STK10: variants seen among roughly 807,000 people sequenced by gnomAD.
The protein encoded by STK10 is serine/threonine kinase 10, also known as serine/threonine-protein kinase 10.
In STK10, 78 loss-of-function variants were observed where a neutral mutation model predicts 113.8. The observed-to-expected ratio is 0.69, with a 90% CI of 0.57 to 0.83. The LOEUF (loss-of-function observed/expected upper bound fraction) is 0.83, where lower values mean the gene tolerates loss of function less well. STK10 is among the 40% of genes least tolerant of loss of function. STK10 has a pLI of 0.00. For synonymous variants in STK10, 465 were observed against 494.7 expected (o/e 0.94, Z 0.80); for missense variants, 1,109 against 1,280.1 (o/e 0.87, Z 2.04).
At chr5:172,152,496 A>G (rs10223264) in intron 2 of STK10, among the ~76,000 whole-genome samples, 17,267 of 151,920 alleles carry the variant, frequency 0.11, 1,063 homozygotes, top group African/African-American at 0.16. Context: ...TCTTGCAGTC[A>G]CTCATTTTGG....
At position 172,057,155 on chromosome 5, in the gene STK10, T is replaced by A. The variant is rs1038190504; in HGVS notation, c.2337+194A>T. On this transcript the variant is annotated intron_variant, in intron 15 of 18. Coordinates refer to ENST00000176763, the MANE Select transcript of STK10 (RefSeq NM_005990.4). ...GGCTTCCCTGCATCGTTTCCCCTAT[T>A]CCTAGCCCCTTGAGCTGAAGCAGGA... The A allele has an allele frequency of 1.3e-5, 9 of 676,060 alleles. No homozygotes were observed. The African/African-American group carries it at 1.6e-4, about 12-fold the overall frequency. 41.9% of individuals were successfully genotyped at this position (676,060 alleles called of 1,614,324 possible).
chr5:172,131,039 T>G (rs2113791677), intron 2 of STK10, among the ~76,000 whole-genome samples: 1 of 147,562 alleles, frequency 6.8e-6, no homozygotes, highest in East Asian at 2.0e-4. Context: ...GCTGTTTTTT[T>G]TTTTTTTTTT....
At chr5:172,137,888 T>A in intron 2 of STK10, among the ~76,000 whole-genome samples, 1 of 107,094 alleles carries the variant, frequency 9.3e-6, no homozygotes, top group African/African-American at 4.5e-5. Flanking sequence ...CGAGACTCTG[T>A]CTCAAAAAAA....
In STK10 at chr5:172,082,919, A is replaced by C; in HGVS notation, c.1809+42T>G. On this transcript the variant is annotated intron_variant, in intron 11 of 18. Transcript: ENST00000176763. The surrounding 1 kb of genome is among the most constrained non-coding windows in gnomAD (Gnocchi z 4.3). The stretch of plus-strand genomic sequence containing the variant: ...TAGCTTCCACTGAGAGAACACCTGG[A>C]GGCAAGAAGCCCTGCAGGGTCCCAT... 1 of 1,604,978 alleles carries C rather than the reference A, an allele frequency of 6.2e-7. No individual in the cohort carries two copies. Among genetic ancestry groups the C allele is most frequent in the Non-Finnish European group, 8.5e-7 (1 of 1,176,054 alleles).
intron 3 of STK10, among the ~76,000 whole-genome samples, chr5:172,124,008 C>T (rs947927183): frequency 3.3e-5 from 5 of 152,140 alleles, no homozygotes; most frequent in Non-Finnish European, 7.4e-5. Flanking sequence ...CTCAATGCAA[C>T]CTCTTCTTCC....
In STK10 at chr5:172,127,421, T is replaced by C. The variant is rs1426940058; in HGVS notation, c.322A>G (p.Ile108Val). 7 of 1,613,674 alleles carry C rather than the reference T, an allele frequency of 4.3e-6. No individual in the cohort carries two copies. The South Asian group carries it at 4.4e-5, about 10-fold the overall frequency. ...GAYYHDGKLW[I>V]MIEFCPGGAV... ...CCCCCTGGACAGAACTCAATCATGA[T>C]CTGCAGAAAACACAGGGCAAAGTGA... Residue 108 changes from isoleucine (I) to valine (V), a missense_variant and splice_region_variant, in exon 3 of 19, where the codon ATC becomes GTC. By Grantham distance (29) the Ile-to-Val change is conservative (BLOSUM62 3). This residue lies in a region of STK10 where 120 missense variants were observed against 134.8 expected (regional missense o/e 0.89). Coordinates refer to ENST00000176763, the MANE Select transcript of STK10 (RefSeq NM_005990.4).
Position 172,133,199 on chromosome 5 carries a change from C to T in STK10, c.322-5778G>A, listed in dbSNP as rs74331353. On this transcript the variant is annotated intron_variant, in intron 2 of 18. Coordinates refer to ENST00000176763, the MANE Select transcript of STK10 (RefSeq NM_005990.4). This position sits in a 1 kb window ranked among gnomAD's most constrained non-coding sequence, Gnocchi z 4.9. ...AACCTAATCTGGAGAGCTGTGTGTG[C>T]GTGTGTGCGTGTGTGTCTGGGGAGA... Among the ~76,000 whole-genome samples, 2 of 151,938 alleles carry T rather than the reference C, an allele frequency of 1.3e-5. No individual in the cohort carries two copies. The highest frequency in any genetic ancestry group is 2.4e-5 in the African/African-American group (1 of 41,298).
Position 172,044,876 on chromosome 5 carries a change from C to T in STK10, c.*6G>A, listed in dbSNP as rs761499757. 2.8e-5 allele frequency: 45 copies of T among 1,613,994 alleles called. No homozygotes were observed. Among genetic ancestry groups the T allele is most frequent in the Admixed American group, 1.8e-4 (11 of 60,002 alleles). On this transcript the variant is annotated 3_prime_UTR_variant, in exon 19 of 19. Transcript: ENST00000176763. This position sits in a 1 kb window ranked among gnomAD's most constrained non-coding sequence, Gnocchi z 4.5. ...CCAAGCTGCCAGCCACAGCCCCGGG[C>T]GGTTGTTAAGAAGCATCCGCAGAAC...
In STK10 at chr5:172,110,502, ACACAGTGC is replaced by A. The variant is rs1176352006; in HGVS notation, c.521-2658_521-2651del. Among the ~76,000 whole-genome samples, 22 of 152,172 alleles carry A rather than the reference ACACAGTGC, an allele frequency of 1.4e-4. 1 individual carries two copies. The highest frequency in any genetic ancestry group is 1.5e-4 in the Non-Finnish European group (10 of 68,036). The stretch of plus-strand genomic sequence containing the variant: ...CAGGGCTGAGAAGGCAGGGAGAAGA[ACACAGTGC>A]TGGGGTGCAGGGTGGGGAGCTACTT... On this transcript the variant is annotated intron_variant, in intron 4 of 18. Coordinates refer to ENST00000176763, the MANE Select transcript of STK10 (RefSeq NM_005990.4).
Position 172,098,876 on chromosome 5 carries a change from CCAT to C in STK10, c.871-2319_871-2317del, listed in dbSNP as rs534755792. On this transcript the variant is annotated intron_variant, in intron 7 of 18. Coordinates refer to ENST00000176763, the MANE Select transcript of STK10 (RefSeq NM_005990.4). ...ATCATCATCATCATCACCACCACCACCATCATCACCTTCACCACCATCACCACC... is the reference window on the plus strand; with the variant it reads ...ATCATCATCATCATCACCACCACCACCATCACCTTCACCACCATCACCACC... Among the ~76,000 whole-genome samples, 36 of 151,846 alleles carry C rather than the reference CCAT, an allele frequency of 2.4e-4. No individual in the cohort carries two copies. In the East Asian group the frequency reaches 3.9e-3, roughly 16 times the overall value.
chr5:172,073,991 C>T (rs1009399075), intron 12 of STK10, among the ~76,000 whole-genome samples: 8 of 149,276 alleles, frequency 5.4e-5, no homozygotes, highest in Middle Eastern at 3.5e-3. Context: ...AATAATAATT[C>T]GAATATAAAT....
intron 9 of STK10, chr5:172,092,580 G>C (rs1377618638): frequency 6.6e-6 from 1 of 152,110 alleles, no homozygotes; most frequent in Non-Finnish European, 1.5e-5. Context: ...TGGCCGTTGC[G>C]GCTCCTGTCA....
intron 4 of STK10, among the ~76,000 whole-genome samples, chr5:172,108,913 T>C (rs1769175430): frequency 6.6e-6 from 1 of 151,864 alleles, no homozygotes; most frequent in Admixed American, 6.6e-5. Flanking sequence ...GCCTCCCAAG[T>C]AGATGACATT....
intron 1 of STK10, among the ~76,000 whole-genome samples, chr5:172,181,468 ATTAT>A (rs923554648): frequency 6.0e-5 from 9 of 149,750 alleles, no homozygotes; most frequent in South Asian, 4.2e-4. Context: ...CTGGCATACG[ATTAT>A]TTAATTTATT....
At chr5:172,174,611 G>A (rs189515453) in intron 1 of STK10, among the ~76,000 whole-genome samples, 2 of 152,292 alleles carry the variant, frequency 1.3e-5, no homozygotes, top group East Asian at 3.9e-4. Context: ...AGAAACACAA[G>A]AGAATCCCAG....
In STK10 at chr5:172,138,018, G is replaced by A. The variant is rs575379466; in HGVS notation, c.322-10597C>T. On this transcript the variant is annotated intron_variant, in intron 2 of 18. Coordinates refer to ENST00000176763, the MANE Select transcript of STK10 (RefSeq NM_005990.4). ...TCACGAACAAGGCAAAAATGCCCAC[G>A]CTCACCACTCCTATACAACATAGCA... Among the ~76,000 whole-genome samples, 143 of 151,938 alleles carry A rather than the reference G, an allele frequency of 9.4e-4. 2 individuals carry two copies. Among genetic ancestry groups the A allele is most frequent in the Non-Finnish European group, 1.0e-3 (68 of 68,008 alleles).
chr5:172,076,631 GC>G (rs1239884040), intron 12 of STK10, among the ~76,000 whole-genome samples: 1 of 152,116 alleles, frequency 6.6e-6, no homozygotes, highest in East Asian at 1.9e-4. Context: ...TTGCCAATTG[GC>G]CCCCACGGAA....
chr5:172,090,339 G>A lies in STK10; in HGVS notation c.1578C>T (p.Thr526=). 6.2e-7 allele frequency: 1 copy of A among 1,613,864 alleles called. No homozygotes were observed. The highest frequency in any genetic ancestry group is 8.5e-7 in the Non-Finnish European group (1 of 1,179,900). ...SIKDPKLYKK[T]LKRTRKFVVD... ...CCACAAATTTGCGTGTCCGCTTGAGGGTTTTTTTGTACAGTTTCGGGTCCT... is the reference window on the plus strand; with the variant it reads ...CCACAAATTTGCGTGTCCGCTTGAGAGTTTTTTTGTACAGTTTCGGGTCCT... The change falls in exon 10 of 19, where the codon ACC becomes ACT. Residue 526 remains threonine (T), a synonymous_variant. Transcript: ENST00000176763.
At chr5:172,156,397 C>T (rs1770348466) in intron 2 of STK10, among the ~76,000 whole-genome samples, 1 of 152,218 alleles carries the variant, frequency 6.6e-6, no homozygotes, top group Admixed American at 6.5e-5. Flanking sequence ...GATTCGAGGC[C>T]AGGCCATAGC....
Sources: allele counts gnomAD v4.1 joint callset (sites outside exome capture counted in the v4.1 genomes callset), GRCh38; gene constraint gnomAD v4.1.1; regional missense constraint gnomAD v4.1.1; non-coding constraint Gnocchi (gnomAD v3.1); transcripts MANE v1.5; gene names NCBI Gene and HGNC (gene_info 2026-07-23, HGNC 2026-07-21).